Variants in IFFO2 observed in about 807,000 individuals in gnomAD.
IFFO2 encodes the protein intermediate filament family orphan 2.
IFFO2 carries 19 observed loss-of-function variants against 53.5 expected under a neutral mutation model. That is an observed-to-expected ratio of 0.36 (90% CI 0.25 to 0.52). The LOEUF (loss-of-function observed/expected upper bound fraction) is 0.52. Among genes scored for constraint, IFFO2 ranks in the 20% least tolerant of loss-of-function variants. The probability of loss-of-function intolerance (pLI) is 0.94; values close to 1 mark genes in which losing one functional copy is unlikely to be tolerated. For missense variants in IFFO2, 570 were observed against 727.4 expected, an observed-to-expected ratio of 0.78 and a Z score of 2.49; for synonymous variants, 303 against 313.6, an observed-to-expected ratio of 0.97 and a Z score of 0.36.
intron 1 of IFFO2, among the ~76,000 whole-genome samples, chr1:18,938,501 G>A (rs1433412254): frequency 6.6e-6 from 1 of 152,184 alleles, no homozygotes; most frequent in Non-Finnish European, 1.5e-5. Context: ...CAAGTGCCCA[G>A]CACACCGTAG....
At chr1:18,948,003 G>A (rs1042845098) in intron 1 of IFFO2, among the ~76,000 whole-genome samples, 8 of 152,268 alleles carry the variant, frequency 5.3e-5, no homozygotes, top group African/African-American at 1.4e-4. Flanking sequence ...GACTCGTGGC[G>A]AGATCTGGGA....
chr1:18,911,363 C>A, intron 7 of IFFO2, 21 bp downstream of exon 7: 1 of 1,370,734 alleles, frequency 7.3e-7, no homozygotes, highest in Non-Finnish European at 9.9e-7. Context: ...CACGAGTGGG[C>A]TCCACGTCCC....
At position 18,912,088 on chromosome 1, in the gene IFFO2, G is replaced by C; in HGVS notation, c.1104-5C>G. 2 of 1,551,464 alleles carry C rather than the reference G, an allele frequency of 1.3e-6. No individual in the cohort carries two copies. The highest frequency in any genetic ancestry group is 1.7e-6 in the Non-Finnish European group (2 of 1,146,768). ...TCAAAGTCAAAGGTCTCCCGCCTGT[G>C]GGGGTGACACCAGAGGGCATGACTG... On this transcript the variant is annotated splice_polypyrimidine_tract_variant and splice_region_variant and intron_variant, in intron 5 of 8. Coordinates refer to ENST00000455833, the MANE Select transcript of IFFO2 (RefSeq NM_001136265.2).
chr1:18,926,327 G>A (rs905239381), intron 1 of IFFO2, among the ~76,000 whole-genome samples: 1 of 152,200 alleles, frequency 6.6e-6, no homozygotes, highest in Non-Finnish European at 1.5e-5. Flanking sequence ...TCTCCTGGGA[G>A]AGGCCAGGCC....
rs1333570655 is a variant in IFFO2 at position 18,936,830 on chromosome 1, A to C, written c.666-15709T>G. Reference sequence around the variant, plus strand: ...GAGTCAGCACACCTGGGTTGAAAGCAAGGCTCTGCGGCCTTAAGCCAAGTC... The same window carrying C: ...GAGTCAGCACACCTGGGTTGAAAGCCAGGCTCTGCGGCCTTAAGCCAAGTC... On this transcript the variant is annotated intron_variant, in intron 1 of 8. Coordinates refer to ENST00000455833, the MANE Select transcript of IFFO2 (RefSeq NM_001136265.2). This position sits in a 1 kb window ranked among gnomAD's most constrained non-coding sequence, Gnocchi z 4.5. Among the ~76,000 whole-genome samples, 1 of 152,208 alleles carries C rather than the reference A, an allele frequency of 6.6e-6. No individual in the cohort carries two copies. The highest frequency in any genetic ancestry group is 1.9e-4 in the East Asian group (1 of 5,184).
Position 18,919,049 on chromosome 1 carries a change from C to T in IFFO2, c.823-547G>A, listed in dbSNP as rs911507976. ...CGTCCCTCCACACCAGGAGCCATGC[C>T]AGGCTCAGTCACCCACGTTCTGGCC... On this transcript the variant is annotated intron_variant, in intron 3 of 8. Coordinates refer to ENST00000455833, the MANE Select transcript of IFFO2 (RefSeq NM_001136265.2). This position sits in a 1 kb window ranked among gnomAD's most constrained non-coding sequence, Gnocchi z 4.9. 6.6e-6 allele frequency among the ~76,000 whole-genome samples: 1 copy of T among 152,136 alleles called. No homozygotes were observed. The highest frequency in any genetic ancestry group is 1.9e-4 in the East Asian group (1 of 5,170).
At chr1:18,930,222 T>A (rs1308774413) in intron 1 of IFFO2, among the ~76,000 whole-genome samples, 1 of 152,228 alleles carries the variant, frequency 6.6e-6, no homozygotes, top group East Asian at 1.9e-4. Context: ...TGGTCTACCA[T>A]GAGCATGCCA....
intron 1 of IFFO2, among the ~76,000 whole-genome samples, chr1:18,942,090 A>G (rs1936528841): frequency 6.6e-6 from 1 of 152,156 alleles, no homozygotes. Flanking sequence ...AGCGGGAGGG[A>G]GCAGGCAGTT....
Position 18,917,044 on chromosome 1 carries a change from T to A in IFFO2, c.964-2A>T. 1 of 1,552,150 alleles carries A rather than the reference T, an allele frequency of 6.4e-7. No homozygotes were observed. The highest frequency in any genetic ancestry group is 2.4e-5 in the East Asian group (1 of 40,894). On this transcript the variant is annotated splice_acceptor_variant, in intron 4 of 8. Transcript: ENST00000455833. LOFTEE classifies it high-confidence loss of function. The surrounding 1 kb of genome is among the most constrained non-coding windows in gnomAD (Gnocchi z 5.9). Reference sequence around the variant, plus strand: ...ACGCTCTTTCTTTTTGGGGACCACCTGAACCGGAAAGGAAGCAATCAAGGT... The same window carrying A: ...ACGCTCTTTCTTTTTGGGGACCACCAGAACCGGAAAGGAAGCAATCAAGGT...
rs1287221849 is a variant in IFFO2, at chr1:18,928,494, G to C, written c.666-7373C>G. Among the ~76,000 whole-genome samples the C allele has an allele frequency of 6.6e-6, 1 of 152,220 alleles. No homozygotes were observed. Among genetic ancestry groups the C allele is most frequent in the Non-Finnish European group, 1.5e-5 (1 of 68,048 alleles). ...TACACTGAGGATGGGGGCCAGGTTT[G>C]AGAAGCCACTAATCAAGTGTGCCCC... On this transcript the variant is annotated intron_variant, in intron 1 of 8. Transcript: ENST00000455833. The surrounding 1 kb of genome is among the most constrained non-coding windows in gnomAD (Gnocchi z 4.9).
intron 1 of IFFO2, among the ~76,000 whole-genome samples, chr1:18,953,493 T>C (rs1475989300): frequency 6.6e-6 from 1 of 152,122 alleles, no homozygotes; most frequent in Non-Finnish European, 1.5e-5. Context: ...TAAATGATCA[T>C]TTTTATTAGA....
intron 2 of IFFO2, 28 bp downstream of exon 2, chr1:18,921,033 C>T: frequency 1.3e-6 from 2 of 1,549,904 alleles, no homozygotes; most frequent in South Asian, 2.4e-5. Flanking sequence ...GCGTGCCTCT[C>T]CTGGTCGGGA....
At position 18,955,820 on chromosome 1, in the gene IFFO2, G is replaced by T. The variant is rs773950966; in HGVS notation, c.513C>A (p.Gly171=). 3.9e-6 allele frequency: 6 copies of T among 1,519,578 alleles called. No homozygotes were observed. In the African/African-American group the frequency reaches 8.6e-5, roughly 22 times the overall value. The allele number at this position is 1,519,578 out of a possible 1,614,324, so 94.1% of individuals were successfully genotyped here. A position where few individuals can be genotyped will look rare whatever the true frequency, so the allele number is the denominator to read the frequency against. The change falls in exon 1 of 9, where the codon GGC becomes GGA. Residue 171 remains glycine (G), a synonymous_variant. Coordinates refer to ENST00000455833, the MANE Select transcript of IFFO2 (RefSeq NM_001136265.2). ...IWSYTQVRRT[G]GGGVETVQGP... The stretch of plus-strand genomic sequence containing the variant: ...CCTGCACGGTCTCCACGCCGCCGCC[G>T]CCCGTGCGCCGCACCTGCGTGTAGC...
intron 1 of IFFO2, among the ~76,000 whole-genome samples, chr1:18,941,434 G>T (rs1238260014): frequency 1.3e-5 from 2 of 152,178 alleles, no homozygotes; most frequent in Admixed American, 6.5e-5. Context: ...CTGCCCTGAC[G>T]TCAACTCTGG....
intron 1 of IFFO2, among the ~76,000 whole-genome samples, chr1:18,930,900 G>A (rs1332814684): frequency 6.6e-6 from 1 of 152,326 alleles, no homozygotes; most frequent in African/African-American, 2.4e-5. Flanking sequence ...GCTGAACATG[G>A]TGGCTCACGG....
intron 2 of IFFO2, 93 bp downstream of exon 2, chr1:18,920,968 G>T: frequency 1.7e-6 from 2 of 1,144,736 alleles, no homozygotes; most frequent in Non-Finnish European, 2.6e-6. Flanking sequence ...GGCTGTGCAA[G>T]AATTTCCTGG....
In IFFO2 at chr1:18,910,356, T is replaced by G; in HGVS notation, c.1434A>C (p.Lys478Asn). 1 of 1,611,448 alleles carries G rather than the reference T, an allele frequency of 6.2e-7. No individual in the cohort carries two copies. The highest frequency in any genetic ancestry group is 8.5e-7 in the Non-Finnish European group (1 of 1,178,706). ...VQMETCRRLI[K>N]GSADRNSPSP... ...TGGGCGGGTACCTGTCTGCGGAGCCTTTGATGAGCCGGCGGCAGGTCTCCA... is the reference window on the plus strand; with the variant it reads ...TGGGCGGGTACCTGTCTGCGGAGCCGTTGATGAGCCGGCGGCAGGTCTCCA... The change falls in exon 8 of 9, where the codon AAA becomes AAC. Residue 478 changes from lysine to asparagine, a missense_variant. Physicochemically the swap from Lys to Asn is moderately conservative, Grantham distance 94 (BLOSUM62 0). Transcript: ENST00000455833.
rs746323662 is a variant in IFFO2, at chr1:18,910,445, T to C, written c.1345A>G (p.Met449Val). 6.2e-7 allele frequency: 1 copy of C among 1,613,726 alleles called. No individual in the cohort carries two copies. The highest frequency in any genetic ancestry group is 1.3e-5 in the African/African-American group (1 of 74,902). The part of the protein sequence containing the change: ...ELELATAKSD[M>V]NRHLHEYMEM... ...ATGTACTCGTGCAGGTGTCGGTTCA[T>C]GTCACTTTTGGCTGTGGCCAGCTCG... Residue 449 changes from methionine (M) to valine (V), a missense_variant, in exon 8 of 9, where the codon ATG becomes GTG. Coordinates refer to ENST00000455833, the MANE Select transcript of IFFO2 (RefSeq NM_001136265.2).
At chr1:18,931,968 TC>T (rs1265551872) in intron 1 of IFFO2, among the ~76,000 whole-genome samples, 2 of 152,196 alleles carry the variant, frequency 1.3e-5, no homozygotes, top group Non-Finnish European at 2.9e-5. Flanking sequence ...CACTTATTTC[TC>T]AGCGCCAGAG....
Sources: gnomAD v4.1 joint callset for allele counts (sites outside exome capture counted in the v4.1 genomes callset) on GRCh38, gnomAD v4.1.1 for gene constraint, Gnocchi (gnomAD v3.1) non-coding constraint, MANE v1.5 for transcripts, NCBI Gene and HGNC (gene_info 2026-07-23, HGNC 2026-07-21) for gene names.